Variants in EDRF1 observed in about 807,000 individuals in gnomAD.
EDRF1 encodes erythroid differentiation-related factor 1.
Under a neutral mutation model 148.7 loss-of-function variants are expected in EDRF1, and 69 were observed. The observed-to-expected ratio is 0.46, with a 90% CI of 0.38 to 0.57. EDRF1 has a LOEUF of 0.57. EDRF1 is among the 20% of genes least tolerant of loss of function. The pLI is 0.00. For missense variants in EDRF1, 1,118 were observed against 1,478.7 expected (o/e 0.76, Z 4.00); for synonymous variants, 515 against 532.8 (o/e 0.97, Z 0.46).
chr10:125,747,802 TA>T, intron 20 of EDRF1, 60 bp from the exon 21 acceptor site: 1 of 1,611,978 alleles, frequency 6.2e-7, no homozygotes, highest in Non-Finnish European at 8.5e-7. Context: ...TTAAACGTTT[TA>T]AAAACTCCTA....
In EDRF1 at chr10:125,749,520, A is replaced by G; in HGVS notation, c.3232A>G (p.Arg1078Gly). 2 of 1,614,238 alleles carry G rather than the reference A, an allele frequency of 1.2e-6. No individual in the cohort carries two copies. Among genetic ancestry groups the G allele is most frequent in the South Asian group, 1.1e-5 (1 of 91,090 alleles). Residue 1078 changes from arginine (R) to glycine (G), a missense_variant, in exon 22 of 25, where the codon AGA becomes GGA. Coordinates refer to ENST00000356792, the MANE Select transcript of EDRF1 (RefSeq NM_001202438.2). Reference sequence around the variant, plus strand: ...GAAAGATGCTCCCTGCGAACTGCTTAGAGTACAGCTAGAGAGAGTAGCATT... The same window carrying G: ...GAAAGATGCTCCCTGCGAACTGCTTGGAGTACAGCTAGAGAGAGTAGCATT... ...LLKDAPCELL[R>G]VQLERVAFAE...
rs752194097 is a variant in EDRF1 at position 125,763,406 on chromosome 10, C to T, written c.3651C>T (p.Asn1217=). 60 of 1,612,282 alleles carry T rather than the reference C, an allele frequency of 3.7e-5. No homozygotes were observed. The South Asian group carries it at 5.4e-4, about 14-fold the overall frequency. ...CCGCGACTCTTCTGGAAAGAATCAACGTTATCGTCCACCTGCTGGGCCAGC... is the reference window on the plus strand; with the variant it reads ...CCGCGACTCTTCTGGAAAGAATCAATGTTATCGTCCACCTGCTGGGCCAGC... The part of the protein sequence containing the change: ...NKTATLLERI[N]VIVHLLGQLA... The change falls in exon 25 of 25, where the codon AAC becomes AAT. Residue 1217 remains asparagine (N), a synonymous_variant. Coordinates refer to ENST00000356792, the MANE Select transcript of EDRF1 (RefSeq NM_001202438.2). This position sits in a 1 kb window ranked among gnomAD's most constrained non-coding sequence, Gnocchi z 4.3.
At chr10:125,733,916 G>C (rs1033432246) in intron 11 of EDRF1, among the ~76,000 whole-genome samples, 156 bp from the exon 12 acceptor site, 5 of 152,098 alleles carry the variant, frequency 3.3e-5, no homozygotes, top group African/African-American at 1.2e-4. Context: ...TGCCACCATA[G>C]TATAAACGTT....
intron 6 of EDRF1, 79 bp downstream of exon 6, chr10:125,725,917 AGATG>A: frequency 7.2e-7 from 1 of 1,397,846 alleles, no homozygotes; most frequent in Non-Finnish European, 9.9e-7. Context: ...AAAAAAAAAA[AGATG>A]AACAGGACTA....
At chr10:125,726,721 T>C (rs1313687061) in intron 6 of EDRF1, among the ~76,000 whole-genome samples, 1 of 152,122 alleles carries the variant, frequency 6.6e-6, no homozygotes. Flanking sequence ...CCCATAAAAC[T>C]CCATAATGAA....
chr10:125,731,273 A>G lies in EDRF1; in HGVS notation c.1128+874A>G, dbSNP rs187709372. Among the ~76,000 whole-genome samples the G allele has an allele frequency of 3.1e-3, 465 of 152,354 alleles. 2 individuals are homozygous for G. Among genetic ancestry groups the G allele is most frequent in the Non-Finnish European group, 3.0e-3 (207 of 68,028 alleles). ...TAATATGCAGAGAGAACAGTAGGAG[A>G]CAGATAAGAATTAGAAGTGTAGCAC... On this transcript the variant is annotated intron_variant, in intron 9 of 24. Coordinates refer to ENST00000356792, the MANE Select transcript of EDRF1 (RefSeq NM_001202438.2).
intron 12 of EDRF1, 92 bp downstream of exon 12, chr10:125,734,275 C>A: frequency 1.1e-6 from 1 of 941,948 alleles, no homozygotes; most frequent in South Asian, 1.3e-5. Context: ...ATTCATATTC[C>A]GTAACTGCCC....
chr10:125,731,175 C>T (rs1391803203), intron 9 of EDRF1, among the ~76,000 whole-genome samples: 3 of 152,046 alleles, frequency 2.0e-5, no homozygotes, highest in African/African-American at 7.2e-5. Flanking sequence ...AGAATTTAAA[C>T]AATAAATAAT....
intron 17 of EDRF1, chr10:125,742,274 C>T: frequency 1.6e-6 from 2 of 1,289,314 alleles, no homozygotes; most frequent in Non-Finnish European, 2.0e-6. Flanking sequence ...ATCCCTCCCT[C>T]TTACCTCAGC....
intron 24 of EDRF1, among the ~76,000 whole-genome samples, chr10:125,757,700 A>G (rs1402784056): frequency 1.3e-5 from 2 of 152,214 alleles, no homozygotes; most frequent in East Asian, 1.9e-4. Context: ...TGAGCAGAGT[A>G]TAGAATTCTG....
chr10:125,726,712 C>T (rs1172889711), intron 6 of EDRF1, among the ~76,000 whole-genome samples: 1 of 151,982 alleles, frequency 6.6e-6, no homozygotes, highest in African/African-American at 2.4e-5. Flanking sequence ...AGAAAGCATC[C>T]CATAAAACTC....
intron 24 of EDRF1, among the ~76,000 whole-genome samples, chr10:125,754,268 C>T (rs962190026): frequency 6.6e-6 from 1 of 151,724 alleles, no homozygotes; most frequent in South Asian, 2.1e-4. Context: ...TCTGTCTTGT[C>T]TTCTATGTGG....
At chr10:125,734,924 A>T (rs970603027) in intron 12 of EDRF1, among the ~76,000 whole-genome samples, 7 of 152,202 alleles carry the variant, frequency 4.6e-5, no homozygotes, top group Non-Finnish European at 8.8e-5. Context: ...GCCACATTTG[A>T]TTTAGAGATA....
chr10:125,738,722 C>T (rs963744606), intron 15 of EDRF1, among the ~76,000 whole-genome samples: 3 of 152,182 alleles, frequency 2.0e-5, no homozygotes, highest in Non-Finnish European at 4.4e-5. Context: ...CTCGCTGGAT[C>T]GTGTAGGAGC....
Position 125,763,167 on chromosome 10 carries a change from C to T in EDRF1, c.3546-134C>T. The T allele has an allele frequency of 1.2e-6, 1 of 861,764 alleles. No individual in the cohort carries two copies. Among genetic ancestry groups the T allele is most frequent in the Non-Finnish European group, 1.9e-6 (1 of 522,478 alleles). 53.4% of individuals were successfully genotyped at this position (861,764 alleles called of 1,614,324 possible). A position where few individuals can be genotyped will look rare whatever the true frequency, so the allele number is the denominator to read the frequency against. On this transcript the variant is annotated intron_variant, in intron 24 of 24. Transcript: ENST00000356792. This position sits in a 1 kb window ranked among gnomAD's most constrained non-coding sequence, Gnocchi z 4.3. ...ATATGTAAAAGAAGGCAGGTCTGAA[C>T]CCGGCAGGAGAGGAATGCCTGCTGC...
intron 16 of EDRF1, 53 bp downstream of exon 16, chr10:125,740,704 G>A: frequency 6.4e-7 from 1 of 1,556,128 alleles, no homozygotes; most frequent in Non-Finnish European, 8.8e-7. Flanking sequence ...AGAGAACAGA[G>A]AAGGCATCTG....
intron 6 of EDRF1, among the ~76,000 whole-genome samples, chr10:125,728,342 A>G (rs532353392): frequency 6.6e-6 from 1 of 152,308 alleles, no homozygotes; most frequent in Admixed American, 6.5e-5. Context: ...TTTAATATCA[A>G]TAAATATTGT....
At chr10:125,727,917 C>T (rs1198253525) in intron 6 of EDRF1, among the ~76,000 whole-genome samples, 1 of 152,106 alleles carries the variant, frequency 6.6e-6, no homozygotes, top group Non-Finnish European at 1.5e-5. Context: ...GCATTCCAGG[C>T]TGGGCGCAGT....
intron 6 of EDRF1, among the ~76,000 whole-genome samples, chr10:125,726,495 C>T (rs1848262419): frequency 6.6e-6 from 1 of 152,134 alleles, no homozygotes; most frequent in East Asian, 1.9e-4. Flanking sequence ...TAAAATAAAG[C>T]CATAGATGTA....
Sources: gnomAD v4.1 joint callset for allele counts (sites outside exome capture counted in the v4.1 genomes callset) on GRCh38, gnomAD v4.1.1 for gene constraint, Gnocchi (gnomAD v3.1) non-coding constraint, MANE v1.5 for transcripts, NCBI Gene and HGNC (gene_info 2026-07-23, HGNC 2026-07-21) for gene names.